GNE: variants seen among roughly 807,000 people sequenced by gnomAD.
The protein encoded by GNE is bifunctional UDP-N-acetylglucosamine 2-epimerase/N-acetylmannosamine kinase.
A neutral mutation model predicts 61.8 loss-of-function variants in GNE; 41 were observed. That is an observed-to-expected ratio of 0.66 (90% CI 0.52 to 0.86). The LOEUF (loss-of-function observed/expected upper bound fraction) is 0.86. Among genes scored for constraint, GNE ranks in the 40% least tolerant of loss-of-function variants. GNE has a pLI of 0.00. For missense variants in GNE, 608 were observed against 909.1 expected (o/e 0.67, Z 4.26); for synonymous variants, 264 against 326.4 (o/e 0.81, Z 2.06).
At chr9:36,243,884 T>C (rs528236754) in intron 3 of GNE, among the ~76,000 whole-genome samples, 4 of 152,212 alleles carry the variant, frequency 2.6e-5, no homozygotes, top group African/African-American at 9.6e-5. Flanking sequence ...TAATCTAGAT[T>C]AAAAATATAC....
intron 2 of GNE, among the ~76,000 whole-genome samples, chr9:36,248,942 AC>A (rs1853189423): frequency 6.6e-6 from 1 of 152,204 alleles, no homozygotes; most frequent in Admixed American, 6.5e-5. Flanking sequence ...TCAATCATCT[AC>A]TAAGCGGCAT....
rs1828279692 is a variant in GNE at position 36,216,327 on chromosome 9, A to ATGTGTTTGTGTGTGTGTGTGTGTGTGTG, written c.*1037_*1038insCACACACACACACACACACACAAACACA. ...TTAGTTTGGGGTTAGAGGAGGAAGG[A>ATGTGTTTGTGTGTGTGTGTGTGTGTGTG]TGTGTGTGTGTGTGTGTGTGTGTGT... is the stretch of plus-strand genomic sequence containing the variant. On this transcript the variant is annotated 3_prime_UTR_variant, in exon 12 of 12. Coordinates refer to ENST00000642385, the MANE Select transcript of GNE (RefSeq NM_005476.7). The ATGTGTTTGTGTGTGTGTGTGTGTGTGTG allele has an allele frequency of 3.0e-6, 1 of 336,026 alleles. No individual in the cohort carries two copies. Among genetic ancestry groups the ATGTGTTTGTGTGTGTGTGTGTGTGTGTG allele is most frequent in the Non-Finnish European group, 6.1e-6 (1 of 162,972 alleles). 20.8% of individuals were successfully genotyped at this position (336,026 alleles called of 1,614,324 possible). A position where few individuals can be genotyped will look rare whatever the true frequency, so the allele number is the denominator to read the frequency against.
In GNE at chr9:36,247,201, C is replaced by T. The variant is rs144725801; in HGVS notation, c.165-719G>A. 8.0e-3 allele frequency among the ~76,000 whole-genome samples: 1,214 copies of T among 152,106 alleles called. 19 individuals are homozygous for T. The highest frequency in any genetic ancestry group is 0.028 in the African/African-American group (1,163 of 41,474). On this transcript the variant is annotated intron_variant, in intron 2 of 11. Coordinates refer to ENST00000642385, the MANE Select transcript of GNE (RefSeq NM_005476.7). ...CCTCCCGAGTAGCTGGGACTACAGG[C>T]GTGTGCCATCACGCCCAGCTAATTT...
At chr9:36,250,771 C>T (rs944941673) in intron 1 of GNE, among the ~76,000 whole-genome samples, 73 of 152,330 alleles carry the variant, frequency 4.8e-4, no homozygotes, top group Middle Eastern at 3.4e-3. Flanking sequence ...ACCTCCGCCT[C>T]CCAGATTCAA....
At chr9:36,268,111 C>G (rs554962525) in intron 1 of GNE, among the ~76,000 whole-genome samples, 1 of 152,142 alleles carries the variant, frequency 6.6e-6, no homozygotes, top group South Asian at 2.1e-4. Flanking sequence ...TGCACTCCAG[C>G]CTGGGCAACA....
At chr9:36,276,362 A>G (rs1831262217) in intron 1 of GNE, among the ~76,000 whole-genome samples, 1 of 152,214 alleles carries the variant, frequency 6.6e-6, no homozygotes, top group Non-Finnish European at 1.5e-5. Flanking sequence ...TATATGTCGC[A>G]TTTATATATT....
chr9:36,256,538 C>T (rs958515758), intron 1 of GNE, among the ~76,000 whole-genome samples: 1 of 152,168 alleles, frequency 6.6e-6, no homozygotes, highest in African/African-American at 2.4e-5. Context: ...AGCCACCACG[C>T]CCGGCAGAAA....
chr9:36,220,815 T>C (rs909579019), intron 9 of GNE, among the ~76,000 whole-genome samples: 4 of 152,256 alleles, frequency 2.6e-5, no homozygotes, highest in African/African-American at 4.8e-5. Context: ...TCTTTTGTTA[T>C]GGCGTTTAGC....
chr9:36,217,528 C>T lies in GNE; in HGVS notation c.2006G>A (p.Gly669Glu), dbSNP rs1408011573. 6.2e-7 allele frequency: 1 copy of T among 1,614,116 alleles called. No individual in the cohort carries two copies. The highest frequency in any genetic ancestry group is 8.5e-7 in the Non-Finnish European group (1 of 1,179,982). Residue 669 changes from glycine (G) to glutamate (E), a missense_variant, in exon 12 of 12, where the codon GGA (glycine) becomes GAA (glutamate). Transcript: ENST00000642385. ...GTGGATATAGTGACTGGCCAGGACT[C>T]CGGAGAGGATCACAAGGGAGGGATT... ...TMNPSLVILS[G>E]VLASHYIHIV...
chr9:36,258,383 A>G lies in GNE; in HGVS notation c.-105T>C. 2.0e-6 allele frequency: 2 copies of G among 985,482 alleles called. No homozygotes were observed. Among genetic ancestry groups the G allele is most frequent in the Non-Finnish European group, 2.4e-6 (2 of 829,982 alleles). 61.0% of individuals were successfully genotyped at this position (985,482 alleles called of 1,614,324 possible). On this transcript the variant is annotated 5_prime_UTR_variant, in exon 1 of 12. Transcript: ENST00000642385. ...CGCTCCTCGGGCGAGGGACGAACCAAGCGCCACGAAGCAGGCAGAGCGCGA... is the reference window on the plus strand; with the variant it reads ...CGCTCCTCGGGCGAGGGACGAACCAGGCGCCACGAAGCAGGCAGAGCGCGA...
chr9:36,223,861 C>T (rs1234125860), intron 7 of GNE, among the ~76,000 whole-genome samples: 2 of 151,944 alleles, frequency 1.3e-5, no homozygotes, highest in Non-Finnish European at 2.9e-5. Flanking sequence ...AGGCGATTCT[C>T]CTTCCTCAGC....
chr9:36,271,997 A>G (rs183935879), intron 1 of GNE, among the ~76,000 whole-genome samples: 182 of 152,276 alleles, frequency 1.2e-3, no homozygotes, highest in African/African-American at 4.3e-3. Context: ...CTCTCTGGCT[A>G]GGCCAAATTG....
intron 5 of GNE, among the ~76,000 whole-genome samples, chr9:36,230,110 C>T (rs907312946): frequency 6.6e-6 from 1 of 152,008 alleles, no homozygotes; most frequent in African/African-American, 2.4e-5. Context: ...CCACGCTTGG[C>T]TAATTTTTGT....
Position 36,217,046 on chromosome 9 carries a change from T to G in GNE, c.*319A>C, listed in dbSNP as rs915917811. On this transcript the variant is annotated 3_prime_UTR_variant, in exon 12 of 12. Coordinates refer to ENST00000642385, the MANE Select transcript of GNE (RefSeq NM_005476.7). ...GGCCTGAAGGTCTCAGTGGTATTAA[T>G]ACATTAGTAAGCAGAGTTCTAAGAA... The G allele has an allele frequency of 5.0e-6, 2 of 398,310 alleles. No individual in the cohort carries two copies. The highest frequency in any genetic ancestry group is 9.5e-6 in the Non-Finnish European group (2 of 209,868). The allele number at this position is 398,310 out of a possible 1,614,324, so 24.7% of individuals were successfully genotyped here. A position where few individuals can be genotyped will look rare whatever the true frequency, so the allele number is the denominator to read the frequency against.
In GNE at chr9:36,218,166, T is replaced by G. The variant is rs779240397; in HGVS notation, c.1933+17A>C. 6.4e-7 allele frequency: 1 copy of G among 1,564,734 alleles called. No homozygotes were observed. Among genetic ancestry groups the G allele is most frequent in the South Asian group, 1.1e-5 (1 of 90,150 alleles). On this transcript the variant is annotated intron_variant, in intron 11 of 11. Transcript: ENST00000642385. The surrounding 1 kb of genome is among the most constrained non-coding windows in gnomAD (Gnocchi z 4.1). ...GGCCACCCCCTGCAGCACAGCCACCTGCAGCCACATGCTCACCTGTTCTTA... is the reference window on the plus strand; with the variant it reads ...GGCCACCCCCTGCAGCACAGCCACCGGCAGCCACATGCTCACCTGTTCTTA...
rs555692738 is a variant in GNE at position 36,269,951 on chromosome 9, C to T, written c.51+6943G>A. 1.4e-4 allele frequency among the ~76,000 whole-genome samples: 21 copies of T among 151,966 alleles called. 1 individual carries two copies. In the South Asian group the frequency reaches 3.3e-3, roughly 24 times the overall value. ...TGTTGGGATTACAGGCGTGAGCCAC[C>T]GCGCCCGGCCGGTTGTTGGGTTTTC... On this transcript the variant is annotated intron_variant, in intron 1 of 11. Coordinates refer to the GNE transcript ENST00000396594.
At chr9:36,240,879 T>C (rs1011291986) in intron 3 of GNE, among the ~76,000 whole-genome samples, 4 of 152,114 alleles carry the variant, frequency 2.6e-5, no homozygotes, top group African/African-American at 9.7e-5. Context: ...TTTAAGCTAG[T>C]AGGGTTGTAT....
intron 1 of GNE, among the ~76,000 whole-genome samples, chr9:36,251,986 C>CTTTTTTTTTTTTTTTTT (rs34737463): frequency 3.0e-5 from 4 of 134,172 alleles, no homozygotes; most frequent in African/African-American, 1.1e-4. Flanking sequence ...ACTATCTGAT[C>CTTTTTTTTTTTTTTTTT]TTTTTTTTTT....
intron 3 of GNE, among the ~76,000 whole-genome samples, chr9:36,240,620 G>A (rs1377112970): frequency 1.3e-5 from 2 of 151,830 alleles, no homozygotes. Flanking sequence ...TGTTTTTTTT[G>A]TTATGTCCTT....
Sources: allele counts gnomAD v4.1 joint callset (sites outside exome capture counted in the v4.1 genomes callset), GRCh38; gene constraint gnomAD v4.1.1; non-coding constraint Gnocchi (gnomAD v3.1); transcripts MANE v1.5; gene names NCBI Gene and HGNC (gene_info 2026-07-23, HGNC 2026-07-21).